Variants in PDCL2 observed in about 807,000 individuals in gnomAD.
The protein encoded by PDCL2 is phosducin-like protein 2.
PDCL2 carries 23 observed loss-of-function variants against 30.3 expected under a neutral mutation model. The ratio of observed to expected loss-of-function variants is 0.76; its 90% CI spans 0.55 to 1.08. The LOEUF (loss-of-function observed/expected upper bound fraction) is 1.08, where lower values mean the gene tolerates loss of function less well. Ranked by LOEUF, PDCL2 falls within the 50% of genes least tolerant of loss-of-function variation. The pLI is 0.00. For synonymous variants in PDCL2, 68 were observed against 86.2 expected (o/e 0.79, Z 1.17); for missense variants, 243 against 282.3 (o/e 0.86, Z 1.00).
chr4:55,592,212 C>T lies in PDCL2; in HGVS notation c.-103G>A, dbSNP rs1488727198. ...CTCCAGGCTGGAAGAGCGCCCGCTTCAGGCCCGGCGGTTTCGAGTGACCGC... is the reference window on the plus strand; with the variant it reads ...CTCCAGGCTGGAAGAGCGCCCGCTTTAGGCCCGGCGGTTTCGAGTGACCGC... On this transcript the variant is annotated 5_prime_UTR_variant, in exon 1 of 6. Transcript: ENST00000295645. 1 of 1,531,490 alleles carries T rather than the reference C, an allele frequency of 6.5e-7. No homozygotes were observed. Among genetic ancestry groups the T allele is most frequent in the East Asian group, 2.4e-5 (1 of 41,024 alleles). The allele number at this position is 1,531,490 out of a possible 1,614,324, so 94.9% of individuals were successfully genotyped here.
chr4:55,591,664 G>C (rs1347203687), intron 1 of PDCL2, among the ~76,000 whole-genome samples: 1 of 152,158 alleles, frequency 6.6e-6, no homozygotes, highest in Non-Finnish European at 1.5e-5. Flanking sequence ...CAGAGTTTTT[G>C]AGGTGAGGTG....
At chr4:55,577,895 G>C (rs1158479286) in intron 3 of PDCL2, among the ~76,000 whole-genome samples, 1 of 152,054 alleles carries the variant, frequency 6.6e-6, no homozygotes, top group African/African-American at 2.4e-5. Context: ...GTTTGTGTAT[G>C]CCTTGTGATT....
chr4:55,576,503 T>C (rs567406810), intron 3 of PDCL2, among the ~76,000 whole-genome samples: 40 of 152,330 alleles, frequency 2.6e-4, no homozygotes, highest in African/African-American at 9.1e-4. Flanking sequence ...CAATGTAGTC[T>C]GTGACACTAA....
At chr4:55,561,599 C>T (rs980456211) in intron 5 of PDCL2, among the ~76,000 whole-genome samples, 20 of 151,886 alleles carry the variant, frequency 1.3e-4, no homozygotes, top group African/African-American at 4.6e-4. Flanking sequence ...AAACAAAAAC[C>T]GAAAACAGCC....
At chr4:55,567,521 G>A (rs1732301107) in intron 4 of PDCL2, among the ~76,000 whole-genome samples, 1 of 152,182 alleles carries the variant, frequency 6.6e-6, no homozygotes. Context: ...GGGAAACACA[G>A]TGAGACCCTG....
intron 2 of PDCL2, among the ~76,000 whole-genome samples, chr4:55,581,263 C>A (rs1732706438): frequency 6.6e-6 from 1 of 152,004 alleles, no homozygotes; most frequent in Non-Finnish European, 1.5e-5. Context: ...CCACTGCATT[C>A]CACCCTGGCC....
intron 3 of PDCL2, among the ~76,000 whole-genome samples, chr4:55,573,101 C>A (rs2110160178): frequency 6.6e-6 from 1 of 152,170 alleles, no homozygotes; most frequent in East Asian, 1.9e-4. Context: ...AATTCAAATC[C>A]CCGGTGAAAT....
At chr4:55,564,194 G>C (rs1264618641) in intron 4 of PDCL2, among the ~76,000 whole-genome samples, 2 of 152,344 alleles carry the variant, frequency 1.3e-5, no homozygotes, top group East Asian at 1.9e-4. Context: ...AATTTTGTCA[G>C]AATGAAAGCT....
intron 2 of PDCL2, 89 bp from the exon 3 acceptor site, chr4:55,581,000 A>C (rs1002102953): frequency 9.9e-6 from 9 of 907,446 alleles, no homozygotes; most frequent in Admixed American, 9.4e-5. Flanking sequence ...TCTTATACAA[A>C]GGAGATCAAC....
chr4:55,557,790 C>T (rs1455816076), intron 5 of PDCL2, among the ~76,000 whole-genome samples: 1 of 151,878 alleles, frequency 6.6e-6, no homozygotes, highest in African/African-American at 2.4e-5. Flanking sequence ...GGCACATTTC[C>T]CTCCAGCTGT....
chr4:55,559,507 C>A (rs1168858537), intron 5 of PDCL2, among the ~76,000 whole-genome samples: 1 of 152,090 alleles, frequency 6.6e-6, no homozygotes, highest in Non-Finnish European at 1.5e-5. Context: ...CAATATAATG[C>A]CCTTTATTAA....
chr4:55,581,895 G>A (rs1258919907), intron 2 of PDCL2, among the ~76,000 whole-genome samples: 1 of 152,138 alleles, frequency 6.6e-6, no homozygotes, highest in Admixed American at 6.6e-5. Flanking sequence ...TTTTAGTAGA[G>A]ATGGGGTTTC....
intron 5 of PDCL2, among the ~76,000 whole-genome samples, chr4:55,558,258 A>T (rs78829811): frequency 0.34 from 51,260 of 151,876 alleles, 9,324 homozygotes; most frequent in East Asian, 0.58. Flanking sequence ...CACCTTGAAC[A>T]ATAGTTCTTA....
chr4:55,587,553 G>GT (rs974330050), intron 1 of PDCL2, among the ~76,000 whole-genome samples: 12 of 150,376 alleles, frequency 8.0e-5, no homozygotes, highest in Admixed American at 8.0e-4. Flanking sequence ...TTCTTTTTCT[G>GT]TTTTTTTTAA....
chr4:55,564,784 A>C (rs562535656), intron 4 of PDCL2, among the ~76,000 whole-genome samples: 2 of 152,338 alleles, frequency 1.3e-5, no homozygotes, highest in East Asian at 1.9e-4. Context: ...CAAAAAACAA[A>C]CACCACCCTT....
chr4:55,557,987 G>A (rs1356454183), intron 5 of PDCL2, among the ~76,000 whole-genome samples: 2 of 151,062 alleles, frequency 1.3e-5, no homozygotes, highest in African/African-American at 4.9e-5. Context: ...TGGGCGTGGT[G>A]GCAGGCACCT....
At chr4:55,582,063 A>C in intron 2 of PDCL2, 54 bp downstream of exon 2, 2 of 1,595,598 alleles carry the variant, frequency 1.3e-6, no homozygotes, top group Non-Finnish European at 1.7e-6. Context: ...ATACCTTAGT[A>C]CTAACTTAAC....
intron 1 of PDCL2, among the ~76,000 whole-genome samples, chr4:55,589,413 A>G (rs1000741482): frequency 2.0e-5 from 3 of 152,262 alleles, no homozygotes; most frequent in Admixed American, 2.0e-4. Context: ...TATATAACGA[A>G]TTCACAGTTT....
intron 1 of PDCL2, among the ~76,000 whole-genome samples, chr4:55,591,383 T>TTTTGTTTG (rs112801591): frequency 1.8e-4 from 26 of 147,894 alleles, no homozygotes; most frequent in African/African-American, 6.4e-4. Flanking sequence ...AAGTCTGAGT[T>TTTTGTTTG]TTTGTTTGTT....
Sources: gnomAD v4.1 joint callset for allele counts (sites outside exome capture counted in the v4.1 genomes callset) on GRCh38, gnomAD v4.1.1 for gene constraint, MANE v1.5 for transcripts, NCBI Gene and HGNC (gene_info 2026-07-23, HGNC 2026-07-21) for gene names.